Variants in DNAI7 observed in about 807,000 individuals in gnomAD.
DNAI7 encodes the protein dynein axonemal intermediate chain 7.
DNAI7 carries 78 observed loss-of-function variants against 86.6 expected under a neutral mutation model. The ratio of observed to expected loss-of-function variants is 0.90; its 90% confidence interval spans 0.75 to 1.09. The LOEUF (loss-of-function observed/expected upper bound fraction) is 1.09, where lower values mean the gene tolerates loss of function less well. DNAI7 is among the 50% of genes least tolerant of loss of function. The pLI is 0.00. For synonymous variants in DNAI7, 274 were observed against 273.0 expected (o/e 1.00, Z -0.04); for missense variants, 753 against 810.2 (o/e 0.93, Z 0.86).
chr12:25,171,412 C>T (rs1948117125), intron 2 of DNAI7, among the ~76,000 whole-genome samples: 1 of 152,020 alleles, frequency 6.6e-6, no homozygotes. Context: ...AACCCTCCTA[C>T]CTTAAATCAG....
chr12:25,189,639 C>T (rs1950329844), intron 2 of DNAI7, among the ~76,000 whole-genome samples: 1 of 152,102 alleles, frequency 6.6e-6, no homozygotes, highest in Admixed American at 6.6e-5. Context: ...GAGACCCTGT[C>T]TCTAAAATAC....
intron 1 of DNAI7, chr12:25,194,806 C>T: frequency 2.7e-6 from 4 of 1,457,438 alleles, no homozygotes; most frequent in Non-Finnish European, 3.8e-6. Context: ...AATTTTCAAG[C>T]TTAGCAACAT....
intron 9 of DNAI7, among the ~76,000 whole-genome samples, chr12:25,133,732 T>C (rs1592315195): frequency 6.6e-6 from 1 of 152,182 alleles, no homozygotes; most frequent in East Asian, 1.9e-4. Flanking sequence ...ATGTGTCTGT[T>C]GGGTGGTGGT....
intron 12 of DNAI7, among the ~76,000 whole-genome samples, chr12:25,115,575 AG>A (rs1660050983): frequency 6.6e-6 from 1 of 152,254 alleles, no homozygotes; most frequent in African/African-American, 2.4e-5. Flanking sequence ...GTACTTAAAA[AG>A]ATGATCAACA....
intron 10 of DNAI7, 69 bp downstream of exon 10, chr12:25,123,142 G>T (rs1346876675): frequency 2.0e-6 from 2 of 1,017,672 alleles, no homozygotes; most frequent in East Asian, 5.7e-5. Flanking sequence ...TTTTAACAAT[G>T]ATCCTGTATT....
chr12:25,127,931 C>T (rs1163184196), intron 9 of DNAI7, among the ~76,000 whole-genome samples: 2 of 152,076 alleles, frequency 1.3e-5, no homozygotes, highest in African/African-American at 4.8e-5. Context: ...AGACAGCTGG[C>T]TAAGATTTGC....
In DNAI7 at chr12:25,144,533, T is replaced by C; in HGVS notation, c.834A>G (p.Glu278=). ...ALHPVSTPSK[E]YTSAVTELVK... ...CAAGCTCAGTTACTGCAGAAGTGTA[T>C]TCTTTTGATGGTGTTGAAACAGGGT... Residue 278 remains glutamate, a synonymous_variant, in exon 9 of 16, where the codon GAA becomes GAG. Coordinates refer to ENST00000395987, the MANE Select transcript of DNAI7 (RefSeq NM_018272.5). The C allele has an allele frequency of 1.2e-6, 2 of 1,614,156 alleles. No individual in the cohort carries two copies. The highest frequency in any genetic ancestry group is 1.7e-6 in the Non-Finnish European group (2 of 1,180,010).
chr12:25,112,115 C>A (rs1355402135), intron 13 of DNAI7, among the ~76,000 whole-genome samples, 176 bp from the exon 14 acceptor site: 1 of 152,178 alleles, frequency 6.6e-6, no homozygotes, highest in Admixed American at 6.5e-5. Context: ...GACACAAAGT[C>A]CCCATGTTAT....
rs1027707552 is a variant in DNAI7, at chr12:25,195,110, G to A, written c.-32C>T. 7 of 1,610,628 alleles carry A rather than the reference G, an allele frequency of 4.3e-6. No homozygotes were observed. Among genetic ancestry groups the A allele is most frequent in the Non-Finnish European group, 4.2e-6 (5 of 1,176,844 alleles). On this transcript the variant is annotated 5_prime_UTR_variant, in exon 1 of 16. Coordinates refer to ENST00000395987, the MANE Select transcript of DNAI7 (RefSeq NM_018272.5). Reference sequence around the variant, plus strand: ...TCAAGCTCCACTGCAGTAGTCCGCAGAGTCGGAGCAGAAATTGTGTGGACA... The same window carrying A: ...TCAAGCTCCACTGCAGTAGTCCGCAAAGTCGGAGCAGAAATTGTGTGGACA...
At chr12:25,134,634 G>A (rs1943329204) in intron 9 of DNAI7, among the ~76,000 whole-genome samples, 1 of 152,088 alleles carries the variant, frequency 6.6e-6, no homozygotes, top group Admixed American at 6.6e-5. Context: ...TGGGATTATA[G>A]TCATGAGCCA....
At chr12:25,176,611 A>C (rs1948983735) in intron 2 of DNAI7, among the ~76,000 whole-genome samples, 1 of 151,988 alleles carries the variant, frequency 6.6e-6, no homozygotes, top group South Asian at 2.1e-4. Flanking sequence ...GTTTATATTT[A>C]AAAATCAATC....
chr12:25,111,924 A>C lies in DNAI7; in HGVS notation c.1627T>G (p.Leu543Val). 1 of 1,590,992 alleles carries C rather than the reference A, an allele frequency of 6.3e-7. No individual in the cohort carries two copies. Among genetic ancestry groups the C allele is most frequent in the East Asian group, 2.2e-5 (1 of 44,498 alleles). The stretch of plus-strand genomic sequence containing the variant: ...TTGTCTTTTAGTTTGATTGAAGATA[A>C]CATGCAGAGGTTTTCCTAGTTTAAA... ...QIQIKENLCMLSSIKLKDKKH... is the reference protein window; with the variant it reads ...QIQIKENLCMVSSIKLKDKKH... The change falls in exon 14 of 16, where the codon TTA becomes GTA. Residue 543 changes from leucine to valine, a missense_variant. Transcript: ENST00000395987.
At chr12:25,142,337 G>A (rs976429082) in intron 9 of DNAI7, among the ~76,000 whole-genome samples, 1 of 151,496 alleles carries the variant, frequency 6.6e-6, no homozygotes, top group Non-Finnish European at 1.5e-5. Context: ...GGACTTTGGG[G>A]ACTCAAGGGA....
chr12:25,155,912 C>T (rs1012990346), intron 4 of DNAI7, among the ~76,000 whole-genome samples: 4 of 152,084 alleles, frequency 2.6e-5, no homozygotes, highest in Admixed American at 1.3e-4. Flanking sequence ...GAGTTCGAGA[C>T]CAGCCAACAT....
In DNAI7 at chr12:25,155,370, A is replaced by G. The variant is rs983635750; in HGVS notation, c.241T>C (p.Leu81=). Residue 81 remains leucine, a synonymous_variant, in exon 5 of 16, where the codon TTA becomes CTA. Coordinates refer to ENST00000395987, the MANE Select transcript of DNAI7 (RefSeq NM_018272.5). Reference sequence around the variant, plus strand: ...TCTGCTTCAGGAAAACACCTCTCTAATAAATAAAGTTCTTCAAGTTCTTCA... The same window carrying G: ...TCTGCTTCAGGAAAACACCTCTCTAGTAAATAAAGTTCTTCAAGTTCTTCA... ...RNEELEELYL[L]ERCFPEAEKL... is the part of the protein sequence containing the mutation. 6.2e-7 allele frequency: 1 copy of G among 1,608,156 alleles called. No individual in the cohort carries two copies. The highest frequency in any genetic ancestry group is 1.1e-5 in the South Asian group (1 of 90,330).
At chr12:25,175,534 G>T (rs1472896855) in intron 2 of DNAI7, among the ~76,000 whole-genome samples, 2 of 151,912 alleles carry the variant, frequency 1.3e-5, no homozygotes, top group Non-Finnish European at 2.9e-5. Context: ...TTTTAGTAGA[G>T]ATGAGGTTTT....
chr12:25,176,737 A>G (rs1948994992), intron 2 of DNAI7, among the ~76,000 whole-genome samples: 1 of 151,792 alleles, frequency 6.6e-6, no homozygotes, highest in African/African-American at 2.4e-5. Flanking sequence ...GACTTTTGTG[A>G]TCATTTCCTT....
chr12:25,107,760 G>T, downstream of DNAI7: 2 of 1,552,204 alleles, frequency 1.3e-6, no homozygotes, highest in Non-Finnish European at 1.8e-6. Context: ...TTAGCAAAAG[G>T]AATGTTTCTA....
At chr12:25,125,133 C>T (rs1163249417) in intron 9 of DNAI7, among the ~76,000 whole-genome samples, 4 of 152,012 alleles carry the variant, frequency 2.6e-5, no homozygotes, top group Non-Finnish European at 5.9e-5. Flanking sequence ...GAGTATATAC[C>T]CAGTAATGGG....
Sources: gnomAD v4.1 joint callset for allele counts (sites outside exome capture counted in the v4.1 genomes callset) on GRCh38, gnomAD v4.1.1 for gene constraint, MANE v1.5 for transcripts, NCBI Gene and HGNC (gene_info 2026-07-23, HGNC 2026-07-21) for gene names.